Variants in SMIM14 observed in about 807,000 individuals in gnomAD.
SMIM14 encodes the protein small integral membrane protein 14.
In SMIM14, 5 loss-of-function variants were observed where a neutral mutation model predicts 12.6. The observed-to-expected ratio is 0.40, with a 90% confidence interval of 0.21 to 0.83. The LOEUF is 0.83. Among genes scored for constraint, SMIM14 ranks in the 40% least tolerant of loss-of-function variants. The pLI, the probability that SMIM14 is intolerant of heterozygous loss-of-function variation, is 0.37. For synonymous variants in SMIM14, 30 were observed against 40.1 expected (o/e 0.75, Z 0.95); for missense variants, 86 against 119.1 (o/e 0.72, Z 1.29).
intron 2 of SMIM14, chr4:39,594,809 A>G (rs1714283592): frequency 6.6e-6 from 1 of 151,986 alleles, no homozygotes. Context: ...AAAAATGCTC[A>G]CCATCACTGG....
intron 4 of SMIM14, among the ~76,000 whole-genome samples, chr4:39,556,176 A>G (rs1336125442): frequency 2.0e-5 from 3 of 151,650 alleles, no homozygotes; most frequent in African/African-American, 7.3e-5. Flanking sequence ...AAAAAAAAAA[A>G]GGATTGGAAT....
intron 2 of SMIM14, among the ~76,000 whole-genome samples, chr4:39,576,685 T>TATATATATATATATATATA (rs1491465219): frequency 4.7e-3 from 22 of 4,634 alleles, no homozygotes; most frequent in South Asian, 0.013. Context: ...TATATATATA[T>TATATATATATATATATATA]TTTTTTTTTT....
At chr4:39,596,156 C>T (rs1056244408) in intron 2 of SMIM14, among the ~76,000 whole-genome samples, 2 of 151,872 alleles carry the variant, frequency 1.3e-5, no homozygotes, top group Non-Finnish European at 2.9e-5. Flanking sequence ...AGTGCAATGG[C>T]GTGATCTCGG....
intron 3 of SMIM14, among the ~76,000 whole-genome samples, chr4:39,564,138 C>G (rs1218329516): frequency 6.6e-6 from 1 of 152,214 alleles, no homozygotes; most frequent in Non-Finnish European, 1.5e-5. Flanking sequence ...GCTCTAAGAG[C>G]TGGCCCATCC....
At chr4:39,615,591 G>A (rs941735087) in intron 1 of SMIM14, among the ~76,000 whole-genome samples, 6 of 152,152 alleles carry the variant, frequency 3.9e-5, no homozygotes, top group South Asian at 2.1e-4. Context: ...CTCTGGTGTC[G>A]GATAGTAGGG....
chr4:39,622,469 C>T (rs1412253491), intron 1 of SMIM14, among the ~76,000 whole-genome samples: 1 of 152,196 alleles, frequency 6.6e-6, no homozygotes, highest in Non-Finnish European at 1.5e-5. Context: ...GGCACGGTCT[C>T]GGCTCACCGC....
In SMIM14 at chr4:39,617,967, C is replaced by T. The variant is rs529855100; in HGVS notation, c.-35-12787G>A. On this transcript the variant is annotated intron_variant, in intron 1 of 4. Transcript: ENST00000295958. The stretch of plus-strand genomic sequence containing the variant: ...ACTAGTTTTGTTTTTTATCTTCTCC[C>T]AAGGTGCATCTGCAATCAAAGACAT... 5.9e-5 allele frequency among the ~76,000 whole-genome samples: 9 copies of T among 152,226 alleles called. No individual in the cohort carries two copies. The East Asian group carries it at 1.5e-3, about 26-fold the overall frequency.
At chr4:39,598,001 C>T (rs1050480190) in intron 2 of SMIM14, among the ~76,000 whole-genome samples, 2 of 152,250 alleles carry the variant, frequency 1.3e-5, no homozygotes, top group East Asian at 3.9e-4. Flanking sequence ...TGTTTTTTCT[C>T]TTCCTTCTCA....
intron 3 of SMIM14, among the ~76,000 whole-genome samples, chr4:39,565,985 C>A (rs1712552552): frequency 6.6e-6 from 1 of 151,930 alleles, no homozygotes; most frequent in Admixed American, 6.6e-5. Context: ...GAGGCCTCCC[C>A]AGACATGTGG....
chr4:39,568,876 T>TG (rs1205542191), intron 3 of SMIM14, among the ~76,000 whole-genome samples: 2 of 152,120 alleles, frequency 1.3e-5, no homozygotes, highest in South Asian at 2.1e-4. Context: ...CTAAAAGAAC[T>TG]GGGGGGAAAG....
chr4:39,627,062 G>A (rs990850185), intron 1 of SMIM14, among the ~76,000 whole-genome samples: 4 of 152,166 alleles, frequency 2.6e-5, no homozygotes, highest in African/African-American at 7.2e-5. Context: ...TGTCTGCTGA[G>A]GACCCACTCT....
intron 1 of SMIM14, among the ~76,000 whole-genome samples, chr4:39,619,876 A>ATATATTTT (rs71192884): frequency 8.6e-6 from 1 of 115,868 alleles, no homozygotes; most frequent in African/African-American, 3.4e-5. Flanking sequence ...ATATATATAT[A>ATATATTTT]TTTTTTTTTT....
chr4:39,581,324 T>C (rs1359586168), intron 2 of SMIM14, among the ~76,000 whole-genome samples: 1 of 152,130 alleles, frequency 6.6e-6, no homozygotes, highest in Admixed American at 6.6e-5. Flanking sequence ...CTGTTAACAA[T>C]GGAGTTTTAC....
chr4:39,555,147 T>C (rs1319560054), intron 4 of SMIM14, among the ~76,000 whole-genome samples: 1 of 151,582 alleles, frequency 6.6e-6, no homozygotes, highest in Non-Finnish European at 1.5e-5. Context: ...CATGGAAATA[T>C]TTTTAAAGAG....
chr4:39,608,497 C>T (rs1459560091), intron 1 of SMIM14, among the ~76,000 whole-genome samples: 1 of 152,182 alleles, frequency 6.6e-6, no homozygotes, highest in Admixed American at 6.5e-5. Context: ...TATGTTACAA[C>T]ATGAATGAAC....
chr4:39,574,536 C>T (rs1713070218), intron 2 of SMIM14, among the ~76,000 whole-genome samples: 1 of 152,186 alleles, frequency 6.6e-6, no homozygotes, highest in African/African-American at 2.4e-5. Context: ...AGCCACAGCA[C>T]CTGGCCCTGC....
chr4:39,606,751 G>A (rs1714828116), intron 1 of SMIM14, among the ~76,000 whole-genome samples: 1 of 152,042 alleles, frequency 6.6e-6, no homozygotes, highest in South Asian at 2.1e-4. Flanking sequence ...TTACTGCCTC[G>A]AGGAGACTCT....
chr4:39,633,779 G>T (rs1221148183), intron 1 of SMIM14, among the ~76,000 whole-genome samples: 2 of 152,290 alleles, frequency 1.3e-5, no homozygotes, highest in East Asian at 1.9e-4. Flanking sequence ...TCTGATGATT[G>T]TATCAACGAA....
At chr4:39,564,185 G>A (rs1008891891) in intron 3 of SMIM14, among the ~76,000 whole-genome samples, 54 of 152,182 alleles carry the variant, frequency 3.5e-4, no homozygotes, top group African/African-American at 1.2e-3. Context: ...ATAGGTTTCC[G>A]CTGGGGAAAG....
Sources: gnomAD v4.1 joint callset for allele counts (sites outside exome capture counted in the v4.1 genomes callset) on GRCh38, gnomAD v4.1.1 for gene constraint, MANE v1.5 for transcripts, NCBI Gene and HGNC (gene_info 2026-07-23, HGNC 2026-07-21) for gene names.